Variants in SI observed in about 807,000 individuals in gnomAD.
The protein encoded by SI is sucrase-isomaltase, intestinal.
SI carries 235 observed loss-of-function variants against 253.3 expected under a neutral mutation model. That is an observed-to-expected ratio of 0.93 (90% CI 0.83 to 1.03). SI has a LOEUF of 1.03. SI is among the 50% of genes least tolerant of loss of function. The pLI, the probability that SI is intolerant of heterozygous loss-of-function variation, is 0.00. For missense variants in SI, 2,442 were observed against 2,211.1 expected (o/e 1.10, Z -2.09); for synonymous variants, 819 against 712.0 (o/e 1.15, Z -2.39).
At position 164,998,641 on chromosome 3, in the gene SI, A is replaced by G. The variant is rs756673922; in HGVS notation, c.4439T>C (p.Ile1480Thr). 22 of 1,611,442 alleles carry G rather than the reference A, an allele frequency of 1.4e-5. No homozygotes were observed. Among genetic ancestry groups the G allele is most frequent in the Admixed American group, 5.0e-5 (3 of 59,724 alleles). The change falls in exon 38 of 48, where the codon ATT (isoleucine) becomes ACT (threonine). Residue 1480 changes from isoleucine (I) to threonine (T), a missense_variant. Transcript: ENST00000264382. The part of the protein sequence containing the change: ...ALQKTTGKRG[I>T]VISRSTYPTS... ...AGGATACGTGGAACGAGAAATTACA[A>G]TCCCTCTTTTTCCAGTTGTCTTCTG...
rs751640829 is a variant in SI at position 165,062,498 on chromosome 3, T to G, written c.908-15A>C. 1 of 1,310,068 alleles carries G rather than the reference T, an allele frequency of 7.6e-7. No individual in the cohort carries two copies. Among genetic ancestry groups the G allele is most frequent in the African/African-American group, 1.4e-5 (1 of 69,040 alleles). 81.2% of individuals were successfully genotyped at this position (1,310,068 alleles called of 1,614,324 possible). ...GATAAAAATCTCTGCAAAATAAAAT[T>G]GGTAAACTTATATGTAAATAGTGAA... is the stretch of plus-strand genomic sequence containing the variant. On this transcript the variant is annotated splice_polypyrimidine_tract_variant and intron_variant, in intron 8 of 47. Transcript: ENST00000264382.
rs2108248541 is a variant in SI, at chr3:165,059,097, C to A, written c.1279-15G>T. ...ATTGCAGGGTCCTAATAATAGAAAG[C>A]AGAAACTGCAAAATCTATTAACTTA... is the stretch of plus-strand genomic sequence containing the variant. On this transcript the variant is annotated splice_polypyrimidine_tract_variant and intron_variant, in intron 11 of 47. Coordinates refer to ENST00000264382, the MANE Select transcript of SI (RefSeq NM_001041.4). 8 of 1,607,108 alleles carry A rather than the reference C, an allele frequency of 5.0e-6. No individual in the cohort carries two copies. Among genetic ancestry groups the A allele is most frequent in the Non-Finnish European group, 6.8e-6 (8 of 1,177,648 alleles).
intron 37 of SI, among the ~76,000 whole-genome samples, chr3:165,006,284 A>G (rs1320543694): frequency 6.6e-6 from 1 of 151,672 alleles, no homozygotes; most frequent in African/African-American, 2.4e-5. Flanking sequence ...AATTTTTTGT[A>G]TTTTTAGTAG....
At chr3:165,070,221 A>C (rs951113609) in intron 3 of SI, among the ~76,000 whole-genome samples, 2 of 146,512 alleles carry the variant, frequency 1.4e-5, no homozygotes, top group African/African-American at 4.9e-5. Context: ...AAATATGTTT[A>C]TATAGAATAA....
At chr3:165,080,395 T>A (rs1025916464), upstream of SI, among the ~76,000 whole-genome samples, 4 of 151,994 alleles carry the variant, frequency 2.6e-5, no homozygotes, top group Admixed American at 2.6e-4. Flanking sequence ...ACAGCTTTTG[T>A]TCTCTCCAGT....
At chr3:165,081,072 C>T (rs980034877), upstream of SI, among the ~76,000 whole-genome samples, 2 of 151,928 alleles carry the variant, frequency 1.3e-5, no homozygotes, top group East Asian at 2.0e-4. Flanking sequence ...GAACCTCAAT[C>T]AATCGAATAA....
At position 165,059,209 on chromosome 3, in the gene SI, G is replaced by T. The variant is rs772344888; in HGVS notation, c.1237C>A (p.Gln413Lys). 19 of 1,612,682 alleles carry T rather than the reference G, an allele frequency of 1.2e-5. No homozygotes were observed. The highest frequency in any genetic ancestry group is 1.6e-5 in the Non-Finnish European group (19 of 1,179,246). Reference sequence around the variant, plus strand: ...TTCTGTCCATGGTCATGCAAATCTTGCACAAATTGAGGGAGTCCGTTAAAC... The same window carrying T: ...TTCTGTCCATGGTCATGCAAATCTTTCACAAATTGAGGGAGTCCGTTAAAC... ...VAFNGLPQFV[Q>K]DLHDHGQKYV... The change falls in exon 11 of 48, where the codon CAA becomes AAA. Residue 413 changes from glutamine to lysine, a missense_variant. Gln to Lys is a moderately conservative substitution (Grantham distance 53). Transcript: ENST00000264382.
At chr3:165,075,864 A>T in intron 2 of SI, 31 bp downstream of exon 2, 1 of 1,268,900 alleles carries the variant, frequency 7.9e-7, no homozygotes, top group Non-Finnish European at 1.2e-6. Flanking sequence ...ACTTCACGAT[A>T]ATGTAGCCAT....
At position 165,030,882 on chromosome 3, in the gene SI, A is replaced by AC. The variant is rs752356211; in HGVS notation, c.2737-16_2737-15insG. The AC allele has an allele frequency of 6.5e-7, 1 of 1,538,576 alleles. No individual in the cohort carries two copies. The highest frequency in any genetic ancestry group is 8.7e-7 in the Non-Finnish European group (1 of 1,147,470). The stretch of plus-strand genomic sequence containing the variant: ...ATTAGGAGAACCTTTGAAGACAAAA[A>AC]AAAAAAAAGAAAAAAAGAAAAAAAA... On this transcript the variant is annotated splice_polypyrimidine_tract_variant and intron_variant, in intron 24 of 47. Coordinates refer to ENST00000264382, the MANE Select transcript of SI (RefSeq NM_001041.4).
intron 15 of SI, 106 bp downstream of exon 15, chr3:165,049,021 C>T (rs13072647): frequency 7.9e-6 from 1 of 126,860 alleles, no homozygotes; most frequent in Admixed American, 1.4e-4. Context: ...TATTATCTTT[C>T]TTTTTTCAAC....
chr3:165,083,099 C>T (rs147032476), upstream of SI, among the ~76,000 whole-genome samples: 1 of 151,984 alleles, frequency 6.6e-6, no homozygotes, highest in Non-Finnish European at 1.5e-5. Flanking sequence ...TTTGCAGCTA[C>T]AATATGGCCT....
chr3:165,066,078 G>T (rs151084128), intron 6 of SI, among the ~76,000 whole-genome samples: 21 of 151,900 alleles, frequency 1.4e-4, no homozygotes, highest in Non-Finnish European at 2.8e-4. Context: ...GAAAAGAATG[G>T]TGCATCTATA....
intron 16 of SI, among the ~76,000 whole-genome samples, chr3:165,045,848 ATTTTTTT>A (rs74590097): frequency 8.3e-6 from 1 of 120,814 alleles, no homozygotes; most frequent in Non-Finnish European, 1.7e-5. Context: ...ATGTTTTTCA[ATTTTTTT>A]TTTTTTTTTT....
rs778312817 is a variant in SI, at chr3:165,039,876, G to A, written c.2244+11C>T. On this transcript the variant is annotated intron_variant, in intron 19 of 47. Transcript: ENST00000264382. Reference sequence around the variant, plus strand: ...TTCAAACAATAAGGTTATTAAACCTGTAGAGCCTACCTGTTTTAGAACAGG... The same window carrying A: ...TTCAAACAATAAGGTTATTAAACCTATAGAGCCTACCTGTTTTAGAACAGG... 6.3e-7 allele frequency: 1 copy of A among 1,591,300 alleles called. No individual in the cohort carries two copies. Among genetic ancestry groups the A allele is most frequent in the Non-Finnish European group, 8.6e-7 (1 of 1,159,474 alleles).
At chr3:165,058,633 T>C (rs1200908119) in intron 12 of SI, among the ~76,000 whole-genome samples, 2 of 151,922 alleles carry the variant, frequency 1.3e-5, no homozygotes, top group African/African-American at 2.4e-5. Flanking sequence ...TTTTAGAGGC[T>C]ACTATGAGCA....
At chr3:165,079,599 A>C (rs773111400), upstream of SI, among the ~76,000 whole-genome samples, 12 of 151,654 alleles carry the variant, frequency 7.9e-5, no homozygotes, top group Non-Finnish European at 1.6e-4. Flanking sequence ...AATATAATAA[A>C]ACTTTTGAGT....
chr3:165,031,250 C>T (rs951077825), intron 24 of SI, among the ~76,000 whole-genome samples: 1 of 149,152 alleles, frequency 6.7e-6, no homozygotes, highest in African/African-American at 2.4e-5. Context: ...TGATACCCAC[C>T]AAACATAATT....
rs1187861587 is a variant in SI, at chr3:165,035,771, A to T, written c.2515+618T>A. Among the ~76,000 whole-genome samples, 3 of 151,590 alleles carry T rather than the reference A, an allele frequency of 2.0e-5. No homozygotes were observed. In the East Asian group the frequency reaches 5.8e-4, roughly 29 times the overall value. On this transcript the variant is annotated intron_variant, in intron 22 of 47. Transcript: ENST00000264382. ...AGATTTTTCTAAAAAGTTTCTAAAA[A>T]TGTATAAGGAAAATTGTAAGTGAAT...
At chr3:165,077,277 T>A (rs7626281) in intron 1 of SI, among the ~76,000 whole-genome samples, 11 of 151,552 alleles carry the variant, frequency 7.3e-5, no homozygotes, top group African/African-American at 2.7e-4. Context: ...TGAATTCAAA[T>A]GCCATGGTGA....
Sources: gnomAD v4.1 joint callset for allele counts (sites outside exome capture counted in the v4.1 genomes callset) on GRCh38, gnomAD v4.1.1 for gene constraint, MANE v1.5 for transcripts, NCBI Gene and HGNC (gene_info 2026-07-23, HGNC 2026-07-21) for gene names.